Variants in PARG observed in about 807,000 individuals in gnomAD.
The protein encoded by PARG is poly(ADP-ribose) glycohydrolase.
A neutral mutation model predicts 113.0 loss-of-function variants in PARG; 35 were observed. The ratio of observed to expected loss-of-function variants is 0.31; its 90% CI spans 0.24 to 0.41. The LOEUF (loss-of-function observed/expected upper bound fraction) is 0.41. Among genes scored for constraint, PARG ranks in the 10% least tolerant of loss-of-function variants. The probability of loss-of-function intolerance (pLI) is 1.00; values close to 1 mark genes in which losing one functional copy is unlikely to be tolerated. For synonymous variants in PARG, 330 were observed against 409.9 expected (o/e 0.81, Z 2.36); for missense variants, 797 against 1,169.4 (o/e 0.68, Z 4.64).
intron 7 of PARG, among the ~76,000 whole-genome samples, chr10:49,902,002 G>T (rs1288295697): frequency 1.1e-4 from 16 of 152,270 alleles, no homozygotes; most frequent in South Asian, 8.3e-4. Context: ...TGTGACTGAA[G>T]AACTGAATTT....
chr10:49,838,660 T>C (rs1287849743), intron 15 of PARG, among the ~76,000 whole-genome samples: 1 of 152,080 alleles, frequency 6.6e-6, no homozygotes, highest in Non-Finnish European at 1.5e-5. Flanking sequence ...GAATGCCTCA[T>C]AGAGAGTAAA....
chr10:49,923,409 A>C (rs553138231), intron 4 of PARG, among the ~76,000 whole-genome samples: 1 of 152,104 alleles, frequency 6.6e-6, no homozygotes, highest in Non-Finnish European at 1.5e-5. Context: ...TGTATTCTGA[A>C]TATGTAAGAT....
At chr10:49,852,808 C>G (rs1845816627) in intron 13 of PARG, among the ~76,000 whole-genome samples, 1 of 150,734 alleles carries the variant, frequency 6.6e-6, no homozygotes, top group Non-Finnish European at 1.5e-5. Context: ...TTGTGATGCC[C>G]CCTGCCTCGG....
In PARG at chr10:49,905,821, T is replaced by C. The variant is rs543455148; in HGVS notation, c.1737+10096A>G. On this transcript the variant is annotated intron_variant, in intron 7 of 17. Coordinates refer to ENST00000616448, the MANE Select transcript of PARG (RefSeq NM_003631.5). The stretch of plus-strand genomic sequence containing the variant: ...TAGGAGGCTGTGGTGGGAGAAGAAT[T>C]CTGAGCTCATGGCTTTAGAGAAGGA... Among the ~76,000 whole-genome samples the C allele has an allele frequency of 3.3e-5, 5 of 152,222 alleles. No homozygotes were observed. In the South Asian group the frequency reaches 1.0e-3, roughly 32 times the overall value.
chr10:49,938,442 C>T (rs1330037866), intron 1 of PARG, among the ~76,000 whole-genome samples: 2 of 152,130 alleles, frequency 1.3e-5, no homozygotes, highest in East Asian at 1.9e-4. Flanking sequence ...CAATTAATAG[C>T]TATAGATACA....
At chr10:49,920,556 A>G (rs1837793311) in intron 6 of PARG, among the ~76,000 whole-genome samples, 1 of 144,246 alleles carries the variant, frequency 6.9e-6, no homozygotes, top group Admixed American at 7.0e-5. Flanking sequence ...ATATATACAT[A>G]TATACGTATA....
rs1388778505 is a variant in PARG, at chr10:49,818,572, A to G, written c.*768T>C. The G allele has an allele frequency of 6.6e-6, 1 of 152,448 alleles. No individual in the cohort carries two copies. Among genetic ancestry groups the G allele is most frequent in the Non-Finnish European group, 1.5e-5 (1 of 68,006 alleles). 9.4% of individuals were successfully genotyped at this position (152,448 alleles called of 1,614,324 possible). ...TAAAAAGAAAAAAGTACCAAGAAAC[A>G]AAAAAAATCTTCAATTCTCTTGAAT... is the stretch of plus-strand genomic sequence containing the variant. On this transcript the variant is annotated 3_prime_UTR_variant, in exon 18 of 18. Coordinates refer to ENST00000616448, the MANE Select transcript of PARG (RefSeq NM_003631.5).
chr10:49,827,962 A>C (rs782156539), intron 16 of PARG, among the ~76,000 whole-genome samples: 1 of 152,082 alleles, frequency 6.6e-6, no homozygotes, highest in Non-Finnish European at 1.5e-5. Flanking sequence ...AATTTTTAAC[A>C]AACTAACCAG....
chr10:49,880,940 C>A (rs2132630622), intron 8 of PARG, among the ~76,000 whole-genome samples: 1 of 152,308 alleles, frequency 6.6e-6, no homozygotes, highest in South Asian at 2.1e-4. Flanking sequence ...GCAAAGCTGT[C>A]TGTTGGGAAA....
chr10:49,830,907 T>TAC (rs1484361457), intron 16 of PARG, among the ~76,000 whole-genome samples: 2 of 152,210 alleles, frequency 1.3e-5, no homozygotes, highest in African/African-American at 2.4e-5. Context: ...CACACTGTAG[T>TAC]ACTCCTTATA....
chr10:49,878,590 C>T (rs1388329379), intron 9 of PARG, among the ~76,000 whole-genome samples: 1 of 140,550 alleles, frequency 7.1e-6, no homozygotes, highest in Non-Finnish European at 1.6e-5. Context: ...TGCACTCCAG[C>T]CTGGGCAACA....
intron 7 of PARG, among the ~76,000 whole-genome samples, chr10:49,891,958 C>T (rs1335521865): frequency 2.0e-5 from 3 of 151,468 alleles, no homozygotes; most frequent in Non-Finnish European, 4.4e-5. Context: ...GTTCATTACC[C>T]CATTTTATTT....
chr10:49,830,854 T>C (rs1844622710), intron 16 of PARG, among the ~76,000 whole-genome samples: 1 of 152,202 alleles, frequency 6.6e-6, no homozygotes, highest in Non-Finnish European at 1.5e-5. Flanking sequence ...TCTAGGAATT[T>C]ACCTTAAGAA....
At chr10:49,920,639 TAC>T (rs1837816729) in intron 6 of PARG, among the ~76,000 whole-genome samples, 1 of 148,600 alleles carries the variant, frequency 6.7e-6, no homozygotes, top group Non-Finnish European at 1.5e-5. Context: ...TGTATATATA[TAC>T]ACATATACGT....
intron 15 of PARG, among the ~76,000 whole-genome samples, chr10:49,836,778 G>A (rs1014266901): frequency 1.3e-5 from 2 of 151,988 alleles, no homozygotes; most frequent in South Asian, 2.1e-4. Context: ...TTCCAAATAC[G>A]GTGGTGAATA....
At chr10:49,903,042 G>A (rs1477921847) in intron 7 of PARG, among the ~76,000 whole-genome samples, 2 of 151,814 alleles carry the variant, frequency 1.3e-5, no homozygotes, top group African/African-American at 4.8e-5. Flanking sequence ...CGTCAGGATG[G>A]TCTCGATCTC....
intron 13 of PARG, among the ~76,000 whole-genome samples, chr10:49,850,360 A>C (rs1845704615): frequency 6.7e-6 from 1 of 149,246 alleles, no homozygotes; most frequent in Non-Finnish European, 1.5e-5. Context: ...GGTTCTTAAT[A>C]ATTCTTATTT....
chr10:49,928,542 T>A (rs1390990693), intron 4 of PARG, among the ~76,000 whole-genome samples: 11 of 152,190 alleles, frequency 7.2e-5, no homozygotes, highest in Non-Finnish European at 1.6e-4. Context: ...TAAAGCTAAA[T>A]GTTGGTTTTA....
chr10:49,911,558 T>C (rs1433752116), intron 7 of PARG, among the ~76,000 whole-genome samples: 3 of 152,222 alleles, frequency 2.0e-5, no homozygotes, highest in Admixed American at 2.0e-4. Context: ...CAGAAAACAC[T>C]AAATAACAGC....
Sources: allele counts gnomAD v4.1 joint callset (sites outside exome capture counted in the v4.1 genomes callset), GRCh38; gene constraint gnomAD v4.1.1; transcripts MANE v1.5; gene names NCBI Gene and HGNC (gene_info 2026-07-23, HGNC 2026-07-21).